The following STK4 variants were observed in gnomAD, a reference collection of about 807,000 sequenced individuals.
STK4 encodes serine/threonine-protein kinase 4.
A neutral mutation model predicts 64.9 loss-of-function variants in STK4; 30 were observed. That is an observed-to-expected ratio of 0.46 (90% CI 0.35 to 0.63). STK4 has a LOEUF of 0.63. STK4 is among the 20% of genes least tolerant of loss of function. STK4 has a pLI of 0.01. For missense variants in STK4, 466 were observed against 598.5 expected (o/e 0.78, Z 2.31); for synonymous variants, 177 against 199.0 (o/e 0.89, Z 0.93).
chr20:44,978,146 A>G (rs146657236), intron 2 of STK4, among the ~76,000 whole-genome samples: 64 of 152,346 alleles, frequency 4.2e-4, no homozygotes, highest in Admixed American at 7.2e-4. Context: ...ATGAATTGAG[A>G]TGGTGTACAG....
chr20:45,072,597 T>A (rs1980164347), intron 10 of STK4, among the ~76,000 whole-genome samples: 1 of 152,250 alleles, frequency 6.6e-6, no homozygotes, highest in Non-Finnish European at 1.5e-5. Flanking sequence ...GTGCCTCGAA[T>A]AGCACCTGAC....
chr20:45,027,609 TTC>T (rs1372199343), intron 10 of STK4, among the ~76,000 whole-genome samples: 3 of 152,180 alleles, frequency 2.0e-5, no homozygotes, highest in Non-Finnish European at 4.4e-5. Flanking sequence ...TCAGACGTTT[TTC>T]TTTGTGTTGG....
At chr20:44,968,225 C>T (rs1568672890) in intron 1 of STK4, among the ~76,000 whole-genome samples, 1 of 152,026 alleles carries the variant, frequency 6.6e-6, no homozygotes, top group Non-Finnish European at 1.5e-5. Context: ...GCTACTTCCG[C>T]CTTCTGGGTT....
chr20:44,990,868 C>G (rs2067620964), intron 5 of STK4, among the ~76,000 whole-genome samples: 1 of 152,118 alleles, frequency 6.6e-6, no homozygotes, highest in South Asian at 2.1e-4. Flanking sequence ...CCCCTCTTTT[C>G]TCTGCCTGAT....
At chr20:45,040,087 T>C (rs1234250234) in intron 10 of STK4, among the ~76,000 whole-genome samples, 1 of 147,968 alleles carries the variant, frequency 6.8e-6, no homozygotes, top group African/African-American at 2.5e-5. Flanking sequence ...ATAGGTGGTA[T>C]GTATACTTCC....
intron 10 of STK4, among the ~76,000 whole-genome samples, chr20:45,066,595 C>G (rs1979597014): frequency 6.6e-6 from 1 of 152,162 alleles, no homozygotes; most frequent in Non-Finnish European, 1.5e-5. Context: ...GCATTTCATT[C>G]CAGTCTTCTT....
In STK4 at chr20:45,079,051, CA is replaced by C. The variant is rs377623751; in HGVS notation, c.*3889del. The C allele has an allele frequency of 3.1e-3, 442 of 142,374 alleles. No homozygotes were observed. Among genetic ancestry groups the C allele is most frequent in the South Asian group, 7.8e-3 (35 of 4,494 alleles). The allele number at this position is 142,374 out of a possible 1,614,324, so 8.8% of individuals were successfully genotyped here. On this transcript the variant is annotated 3_prime_UTR_variant, in exon 11 of 11. Coordinates refer to ENST00000372806, the MANE Select transcript of STK4 (RefSeq NM_006282.5). ...GCAAAATCCCATCTCTACAAAACAT[CA>C]AAAAAAAAAAAAATTAGTCGGGCAT...
intron 9 of STK4, among the ~76,000 whole-genome samples, chr20:45,008,534 G>T (rs1056185034): frequency 2.0e-5 from 3 of 152,132 alleles, no homozygotes; most frequent in Non-Finnish European, 4.4e-5. Flanking sequence ...TGCATTTTTG[G>T]TAAAATGATT....
intron 1 of STK4, among the ~76,000 whole-genome samples, chr20:44,968,539 A>G (rs75641996): frequency 0.032 from 4,842 of 152,294 alleles, 255 homozygotes; most frequent in African/African-American, 0.11. Flanking sequence ...TAGTGATCCA[A>G]TTATGAATGC....
intron 10 of STK4, among the ~76,000 whole-genome samples, chr20:45,033,138 A>G (rs1435834945): frequency 2.6e-5 from 4 of 152,016 alleles, no homozygotes; most frequent in Admixed American, 2.6e-4. Flanking sequence ...TTACTTGTTA[A>G]TTTGTTTAAG....
At chr20:45,055,326 T>C (rs2145446943) in intron 10 of STK4, among the ~76,000 whole-genome samples, 1 of 152,350 alleles carries the variant, frequency 6.6e-6, no homozygotes, top group Admixed American at 6.5e-5. Context: ...TTCTTAGTAG[T>C]CAGTTTTGTT....
intron 9 of STK4, among the ~76,000 whole-genome samples, chr20:45,013,230 A>T (rs1188638088): frequency 6.6e-6 from 1 of 151,940 alleles, no homozygotes; most frequent in Non-Finnish European, 1.5e-5. Context: ...TTTGCAGCAG[A>T]ATTTGGTCGA....
intron 10 of STK4, among the ~76,000 whole-genome samples, chr20:45,038,091 G>T (rs1227039808): frequency 6.6e-6 from 1 of 152,072 alleles, no homozygotes; most frequent in African/African-American, 2.4e-5. Context: ...ATTTCAAAGT[G>T]ACTCTAAAAG....
chr20:45,001,715 C>G (rs938959636), intron 9 of STK4, among the ~76,000 whole-genome samples: 10 of 152,348 alleles, frequency 6.6e-5, no homozygotes, highest in Admixed American at 6.5e-5. Flanking sequence ...GAGTTATTTA[C>G]TGTACATACA....
chr20:45,047,303 A>G (rs1209358679), intron 10 of STK4, among the ~76,000 whole-genome samples: 1 of 152,122 alleles, frequency 6.6e-6, no homozygotes, highest in Non-Finnish European at 1.5e-5. Flanking sequence ...GACCTGTCCC[A>G]CCCTTGGTGC....
At chr20:44,988,343 C>T (rs1415697105) in intron 5 of STK4, among the ~76,000 whole-genome samples, 1 of 151,392 alleles carries the variant, frequency 6.6e-6, no homozygotes, top group Non-Finnish European at 1.5e-5. Context: ...GGTGAAACCC[C>T]ATCTCCACTA....
chr20:45,009,716 T>C (rs2068011853), intron 9 of STK4, among the ~76,000 whole-genome samples: 1 of 152,200 alleles, frequency 6.6e-6, no homozygotes, highest in Admixed American at 6.5e-5. Context: ...CTTTCAGCAG[T>C]GTTTTGTAGT....
At chr20:44,987,413 C>T in intron 5 of STK4, 117 bp downstream of exon 5, 4 of 1,011,434 alleles carry the variant, frequency 4.0e-6, no homozygotes, top group Non-Finnish European at 5.7e-6. Context: ...TAAAAAATCA[C>T]AGAATCTGCC....
chr20:45,034,986 A>ATG (rs1004158609), intron 10 of STK4, among the ~76,000 whole-genome samples: 20 of 152,076 alleles, frequency 1.3e-4, no homozygotes, highest in Non-Finnish European at 2.8e-4. Flanking sequence ...ATGTATGTAT[A>ATG]TGTGTGTGTG....
Sources: gnomAD v4.1 joint callset for allele counts (sites outside exome capture counted in the v4.1 genomes callset) on GRCh38, gnomAD v4.1.1 for gene constraint, MANE v1.5 for transcripts, NCBI Gene and HGNC (gene_info 2026-07-23, HGNC 2026-07-21) for gene names.